The following FGF14 variants were observed in gnomAD, a reference collection of about 807,000 sequenced individuals.
The protein encoded by FGF14 is fibroblast growth factor 14, also known as fibroblast growth factor homologous factor 4.
FGF14 carries 5 observed loss-of-function variants against 25.5 expected under a neutral mutation model. That is an observed-to-expected ratio of 0.20 (90% CI 0.10 to 0.41). The LOEUF is 0.41. Ranked by LOEUF, FGF14 falls within the 10% of genes least tolerant of loss-of-function variation. The pLI is 1.00. For missense variants in FGF14, 222 were observed against 320.1 expected, an observed-to-expected ratio of 0.69 and a Z score of 2.34; for synonymous variants, 138 against 118.3, an observed-to-expected ratio of 1.17 and a Z score of -1.08.
At chr13:101,904,687 G>C (rs948566347) in intron 1 of FGF14, among the ~76,000 whole-genome samples, 24 of 152,106 alleles carry the variant, frequency 1.6e-4, no homozygotes, top group Admixed American at 1.6e-3. Context: ...AGTATAGAAA[G>C]TTGCAAAAAG....
chr13:101,793,182 C>A (rs35584665), intron 3 of FGF14, among the ~76,000 whole-genome samples: 5,872 of 152,124 alleles, frequency 0.039, 180 homozygotes, highest in African/African-American at 0.068. Context: ...TTCCTTCCAC[C>A]CCCCAGCCTC....
intron 1 of FGF14, among the ~76,000 whole-genome samples, chr13:102,214,540 T>C (rs191766111): frequency 1.3e-5 from 2 of 152,318 alleles, no homozygotes; most frequent in East Asian, 3.9e-4. Context: ...ACTCATTAAG[T>C]GTGTTAAATT....
chr13:102,010,909 C>G (rs972015502), intron 1 of FGF14, among the ~76,000 whole-genome samples: 6 of 152,154 alleles, frequency 3.9e-5, no homozygotes, highest in African/African-American at 1.2e-4. Context: ...GAAACTTACA[C>G]TTAAGAAAAT....
intron 1 of FGF14, among the ~76,000 whole-genome samples, chr13:101,962,570 GA>G (rs1234562626): frequency 6.6e-6 from 1 of 152,042 alleles, no homozygotes; most frequent in African/African-American, 2.4e-5. Flanking sequence ...TTGAAAAATA[GA>G]CATAAGATAA....
intron 1 of FGF14, among the ~76,000 whole-genome samples, chr13:102,148,047 A>G (rs1437315525): frequency 6.6e-6 from 1 of 152,170 alleles, no homozygotes; most frequent in African/African-American, 2.4e-5. Context: ...ATAAATCTGA[A>G]TTAAAATGTT....
At chr13:102,108,776 A>G (rs2045061277) in intron 1 of FGF14, among the ~76,000 whole-genome samples, 2 of 152,238 alleles carry the variant, frequency 1.3e-5, no homozygotes, top group Admixed American at 1.3e-4. Context: ...GGTTTACCAT[A>G]TAACAAACAG....
At chr13:101,747,879 A>G (rs1423808049) in intron 3 of FGF14, among the ~76,000 whole-genome samples, 1 of 151,982 alleles carries the variant, frequency 6.6e-6, no homozygotes, top group Non-Finnish European at 1.5e-5. Context: ...TGCTCACATC[A>G]CTAATCAAGA....
chr13:102,188,058 G>C (rs142704497), intron 1 of FGF14, among the ~76,000 whole-genome samples: 183 of 152,176 alleles, frequency 1.2e-3, no homozygotes, highest in African/African-American at 4.3e-3. Context: ...GGAAAATACT[G>C]AACAATTTTT....
At chr13:102,248,174 G>A (rs528532937) in intron 1 of FGF14, among the ~76,000 whole-genome samples, 1 of 152,114 alleles carries the variant, frequency 6.6e-6, no homozygotes, top group Non-Finnish European at 1.5e-5. Context: ...AAAATAATCT[G>A]TGCAACAAAC....
chr13:102,013,848 G>A (rs1235131443), intron 1 of FGF14, among the ~76,000 whole-genome samples: 1 of 152,114 alleles, frequency 6.6e-6, no homozygotes, highest in Non-Finnish European at 1.5e-5. Flanking sequence ...ATCTTTGGGT[G>A]GAGAGATGAC....
intron 3 of FGF14, among the ~76,000 whole-genome samples, chr13:101,823,342 C>T (rs2042247223): frequency 1.3e-5 from 2 of 149,480 alleles, no homozygotes. Flanking sequence ...TATGTATATA[C>T]ATACAAAAAA....
intron 1 of FGF14, among the ~76,000 whole-genome samples, chr13:102,271,486 A>G (rs888499172): frequency 3.3e-5 from 5 of 150,918 alleles, no homozygotes; most frequent in African/African-American, 1.2e-4. Flanking sequence ...CCAAACTCCA[A>G]CCCATCATCA....
intron 1 of FGF14, among the ~76,000 whole-genome samples, chr13:102,093,105 T>G (rs899936439): frequency 6.6e-6 from 1 of 152,166 alleles, no homozygotes; most frequent in Admixed American, 6.5e-5. Context: ...CTATGTAGAA[T>G]GTTTTCAATA....
At chr13:102,246,977 T>C (rs747217022) in intron 1 of FGF14, among the ~76,000 whole-genome samples, 26 of 151,968 alleles carry the variant, frequency 1.7e-4, no homozygotes, top group Non-Finnish European at 3.4e-4. Flanking sequence ...CTGACAAAAG[T>C]AACCAATGGG....
chr13:102,239,479 G>A (rs2051486106), intron 1 of FGF14, among the ~76,000 whole-genome samples: 1 of 152,156 alleles, frequency 6.6e-6, no homozygotes, highest in African/African-American at 2.4e-5. Flanking sequence ...CTGGTGTGAG[G>A]ACCACACTGA....
intron 1 of FGF14, among the ~76,000 whole-genome samples, chr13:102,317,529 T>G (rs2056079010): frequency 6.6e-6 from 1 of 152,230 alleles, no homozygotes; most frequent in Non-Finnish European, 1.5e-5. Context: ...ATCACTTAAA[T>G]ATAAATGAAT....
At chr13:102,350,475 G>A (rs555290716) in intron 1 of FGF14, among the ~76,000 whole-genome samples, 12 of 152,094 alleles carry the variant, frequency 7.9e-5, no homozygotes, top group East Asian at 3.9e-4. Flanking sequence ...AAAGGCAGAC[G>A]CCTTGTTATA....
intron 3 of FGF14, among the ~76,000 whole-genome samples, chr13:101,850,593 A>G (rs1479969800): frequency 7.7e-6 from 1 of 130,506 alleles, no homozygotes; most frequent in African/African-American, 2.8e-5. Context: ...ATTATATATT[A>G]TATAATTCTA....
intron 1 of FGF14, among the ~76,000 whole-genome samples, chr13:101,903,053 TTTTG>T (rs2031772397): frequency 6.6e-6 from 1 of 152,264 alleles, no homozygotes; most frequent in South Asian, 2.1e-4. Context: ...TTCTGGGGTT[TTTTG>T]TTTGTTTGTA....
Sources: gnomAD v4.1 joint callset for allele counts (sites outside exome capture counted in the v4.1 genomes callset) on GRCh38, gnomAD v4.1.1 for gene constraint, MANE v1.5 for transcripts, NCBI Gene and HGNC (gene_info 2026-07-23, HGNC 2026-07-21) for gene names.